Variants in ETS1 observed in about 807,000 individuals in gnomAD.
ETS1 encodes the protein ETS proto-oncogene 1, transcription factor, also known as protein C-ets-1.
Under a neutral mutation model 58.6 loss-of-function variants are expected in ETS1, and 15 were observed. The ratio of observed to expected loss-of-function variants is 0.26; its 90% CI spans 0.17 to 0.39. The LOEUF (loss-of-function observed/expected upper bound fraction) is 0.39, where lower values mean the gene tolerates loss of function less well. Among genes scored for constraint, ETS1 ranks in the 10% least tolerant of loss-of-function variants. The probability of loss-of-function intolerance (pLI) is 1.00; values close to 1 mark genes in which losing one functional copy is unlikely to be tolerated. For missense variants in ETS1, 417 were observed against 610.5 expected (o/e 0.68, Z 3.34); for synonymous variants, 214 against 218.2 (o/e 0.98, Z 0.17).
chr11:128,480,457 G>T lies in ETS1; in HGVS notation c.863-6C>A. 1 of 1,608,968 alleles carries T rather than the reference G, an allele frequency of 6.2e-7. No individual in the cohort carries two copies. Among genetic ancestry groups the T allele is most frequent in the Non-Finnish European group, 8.5e-7 (1 of 1,175,622 alleles). ...GTCCTGGCCCCCGAGTTTACCTGGA[G>T]GTAAAGGAGGAGGTAGGAAGAGGAC... On this transcript the variant is annotated splice_polypyrimidine_tract_variant and splice_region_variant and intron_variant, in intron 7 of 9. Transcript: ENST00000392668.
At chr11:128,566,718 G>A (rs1006974515) in intron 2 of ETS1, among the ~76,000 whole-genome samples, 4 of 151,564 alleles carry the variant, frequency 2.6e-5, no homozygotes, top group African/African-American at 7.3e-5. Context: ...GGGGGGCAGA[G>A]CCTGCTGTGA....
At chr11:128,501,307 G>A (rs1863083969) in intron 3 of ETS1, among the ~76,000 whole-genome samples, 1 of 152,160 alleles carries the variant, frequency 6.6e-6, no homozygotes, top group Non-Finnish European at 1.5e-5. Flanking sequence ...TACTCCATAA[G>A]CTTTGACTGG....
At chr11:128,503,723 T>C (rs1382104620) in intron 3 of ETS1, among the ~76,000 whole-genome samples, 1 of 152,184 alleles carries the variant, frequency 6.6e-6, no homozygotes, top group Non-Finnish European at 1.5e-5. Flanking sequence ...CTAAGGGCCC[T>C]GCTGAATCAT....
At chr11:128,568,569 A>G (rs1864555215) in intron 2 of ETS1, among the ~76,000 whole-genome samples, 1 of 152,096 alleles carries the variant, frequency 6.6e-6, no homozygotes, top group South Asian at 2.1e-4. Flanking sequence ...CCACCTCCCC[A>G]CTGTGACACC....
rs1861916911 is a variant in ETS1 at position 128,461,992 on chromosome 11, T to C, written c.*369A>G. ...CTTACATCAGTTTCATGAGTTCTGA[T>C]GTGACAATGTCACTTGCTAATGGGT... On this transcript the variant is annotated 3_prime_UTR_variant, in exon 10 of 10. Coordinates refer to ENST00000392668, the MANE Select transcript of ETS1 (RefSeq NM_001143820.2). The C allele has an allele frequency of 5.5e-6, 1 of 182,422 alleles. No homozygotes were observed. The highest frequency in any genetic ancestry group is 1.2e-5 in the Non-Finnish European group (1 of 85,768). The allele number at this position is 182,422 out of a possible 1,614,324, so 11.3% of individuals were successfully genotyped here. A position where few individuals can be genotyped will look rare whatever the true frequency, so the allele number is the denominator to read the frequency against.
At position 128,556,356 on chromosome 11, in the gene ETS1, C is replaced by T; in HGVS notation, c.149G>A (p.Cys50Tyr). ...TGCCATCTCATCCCAAAAGGGGTAG[C>T]AAGGTCTTTGCTGGTGATAATTGGA... ...FQSNYHQQRP[C>Y]YPFWDEMATQ... The change falls in exon 3 of 10, where the codon TGC becomes TAC. Residue 50 changes from cysteine (C) to tyrosine (Y), a missense_variant. This residue lies in a region of ETS1 where 90 missense variants were observed against 90.3 expected (regional missense o/e 1.00). Transcript: ENST00000392668. The T allele has an allele frequency of 1.2e-6, 2 of 1,613,556 alleles. No homozygotes were observed. The highest frequency in any genetic ancestry group is 1.7e-6 in the Non-Finnish European group (2 of 1,179,554).
chr11:128,504,031 G>A (rs1043495782), intron 3 of ETS1, among the ~76,000 whole-genome samples: 4 of 152,168 alleles, frequency 2.6e-5, no homozygotes, highest in Non-Finnish European at 5.9e-5. Flanking sequence ...CCCTAATGAG[G>A]AGTCAGAAAT....
At chr11:128,516,231 C>A (rs1345798540) in intron 3 of ETS1, among the ~76,000 whole-genome samples, 1 of 152,080 alleles carries the variant, frequency 6.6e-6, no homozygotes, top group Non-Finnish European at 1.5e-5. Context: ...TATCATCAAC[C>A]CGACAGAAAA....
At chr11:128,583,685 A>C (rs944421428) in intron 1 of ETS1, among the ~76,000 whole-genome samples, 4 of 152,172 alleles carry the variant, frequency 2.6e-5, no homozygotes, top group African/African-American at 7.2e-5. Context: ...AAAAGACCAA[A>C]ATTCTGGAGT....
At chr11:128,577,802 C>G (rs1302851740) in intron 1 of ETS1, among the ~76,000 whole-genome samples, 1 of 151,990 alleles carries the variant, frequency 6.6e-6, no homozygotes, top group Non-Finnish European at 1.5e-5. Flanking sequence ...TCTTCAGATG[C>G]CACAGTTGCT....
chr11:128,529,355 T>C (rs1863858367), intron 3 of ETS1, among the ~76,000 whole-genome samples: 1 of 152,108 alleles, frequency 6.6e-6, no homozygotes, highest in Non-Finnish European at 1.5e-5. Context: ...GACATGGGGA[T>C]GGGCTGAGAG....
chr11:128,536,519 G>A (rs1379604767), intron 3 of ETS1: 2 of 152,182 alleles, frequency 1.3e-5, no homozygotes, highest in South Asian at 2.1e-4. Context: ...TGGGTAAACA[G>A]ACTGTAGAGA....
chr11:128,534,048 A>G (rs1324690144), intron 3 of ETS1, among the ~76,000 whole-genome samples: 1 of 152,240 alleles, frequency 6.6e-6, no homozygotes, highest in Non-Finnish European at 1.5e-5. Context: ...TTATTTTATG[A>G]CATGGTTTTC....
intron 3 of ETS1, among the ~76,000 whole-genome samples, chr11:128,508,650 A>G (rs1160029480): frequency 6.6e-6 from 1 of 152,216 alleles, no homozygotes. Flanking sequence ...TAAACTCTGT[A>G]TCGTAAGATC....
At chr11:128,585,789 C>T (rs970340759) in intron 1 of ETS1, among the ~76,000 whole-genome samples, 3 of 152,196 alleles carry the variant, frequency 2.0e-5, no homozygotes, top group Non-Finnish European at 2.9e-5. Context: ...GGCACAGACA[C>T]GTTCAATCCC....
At chr11:128,484,050 T>C (rs1284615992) in intron 7 of ETS1, among the ~76,000 whole-genome samples, 1 of 152,250 alleles carries the variant, frequency 6.6e-6, no homozygotes, top group Admixed American at 6.5e-5. Context: ...AGGTAGGCTG[T>C]ACCTCTGAGT....
intron 2 of ETS1, among the ~76,000 whole-genome samples, chr11:128,563,930 G>GT (rs1864446628): frequency 6.6e-6 from 1 of 152,164 alleles, no homozygotes; most frequent in Non-Finnish European, 1.5e-5. Context: ...GTTGCATGTA[G>GT]TTGCCCTTGT....
intron 2 of ETS1, among the ~76,000 whole-genome samples, chr11:128,565,037 T>TAAATAAATAAAC: frequency 6.7e-6 from 1 of 149,110 alleles, no homozygotes; most frequent in Non-Finnish European, 1.5e-5. Context: ...ATCAAATAAA[T>TAAATAAATAAAC]AAATAAATAA....
intron 2 of ETS1, among the ~76,000 whole-genome samples, chr11:128,557,251 C>T (rs1316446851): frequency 6.6e-6 from 1 of 152,184 alleles, no homozygotes; most frequent in Non-Finnish European, 1.5e-5. Context: ...ACATATAGCT[C>T]TAGCTACTCG....
Sources: gnomAD v4.1 joint callset for allele counts (sites outside exome capture counted in the v4.1 genomes callset) on GRCh38, gnomAD v4.1.1 for gene constraint, gnomAD v4.1.1 regional missense constraint, MANE v1.5 for transcripts, NCBI Gene and HGNC (gene_info 2026-07-23, HGNC 2026-07-21) for gene names.